PRKN: variants seen among roughly 807,000 people sequenced by gnomAD.
PRKN encodes E3 ubiquitin-protein ligase parkin.
In PRKN, 56 loss-of-function variants were observed where a neutral mutation model predicts 59.5. The observed-to-expected ratio is 0.94, with a 90% CI of 0.76 to 1.18. The LOEUF (loss-of-function observed/expected upper bound fraction) is 1.18. Among genes scored for constraint, PRKN ranks in the 50% most tolerant of loss-of-function variants. PRKN has a pLI of 0.00. For missense variants in PRKN, 657 were observed against 596.4 expected, an observed-to-expected ratio of 1.10 and a Z score of -1.06; for synonymous variants, 250 against 222.1, an observed-to-expected ratio of 1.13 and a Z score of -1.12.
chr6:161,656,380 C>T (rs1167062156), intron 7 of PRKN, among the ~76,000 whole-genome samples: 1 of 152,146 alleles, frequency 6.6e-6, no homozygotes, highest in Non-Finnish European at 1.5e-5. Context: ...ATAGGCTTCA[C>T]TGGCTTTGAT....
chr6:161,640,015 T>G (rs1022727241), intron 7 of PRKN, among the ~76,000 whole-genome samples: 1 of 152,186 alleles, frequency 6.6e-6, no homozygotes, highest in Admixed American at 6.5e-5. Context: ...GGGGCTTGAG[T>G]CCTTCAAGAA....
intron 7 of PRKN, among the ~76,000 whole-genome samples, chr6:161,767,856 G>A (rs1220451492): frequency 6.6e-6 from 1 of 152,184 alleles, no homozygotes; most frequent in Non-Finnish European, 1.5e-5. Context: ...TCACTCAGGT[G>A]TGACTAGGCT....
chr6:161,710,837 CCCCTTTCCTTCTTCCCTTCCCTT>C (rs1355303681), intron 7 of PRKN, among the ~76,000 whole-genome samples: 13 of 109,218 alleles, frequency 1.2e-4, no homozygotes, highest in East Asian at 4.9e-4. Context: ...TCCTTCCTTC[CCCCTTTCCTTCTTCCCTTCCCTT>C]CCCTTTCCTT....
intron 1 of PRKN, among the ~76,000 whole-genome samples, chr6:162,500,407 G>T (rs912382624): frequency 8.0e-6 from 1 of 125,176 alleles, no homozygotes; most frequent in Non-Finnish European, 1.8e-5. Context: ...CCCGACCTCA[G>T]GTGATCCACC....
intron 7 of PRKN, among the ~76,000 whole-genome samples, chr6:161,652,552 C>T (rs1048109770): frequency 2.0e-4 from 30 of 152,158 alleles, no homozygotes; most frequent in African/African-American, 6.8e-4. Flanking sequence ...TCTTAAACTA[C>T]AGTCCAATGT....
chr6:162,258,256 T>C (rs1285438696), intron 3 of PRKN, among the ~76,000 whole-genome samples: 1 of 152,246 alleles, frequency 6.6e-6, no homozygotes, highest in Non-Finnish European at 1.5e-5. Context: ...GAGGTAGGCA[T>C]CTTGTCTGTT....
intron 1 of PRKN, among the ~76,000 whole-genome samples, chr6:162,459,391 A>G (rs1204580234): frequency 1.3e-5 from 2 of 152,200 alleles, no homozygotes; most frequent in Non-Finnish European, 2.9e-5. Context: ...ATATTAACTT[A>G]GCAAAAATTA....
intron 6 of PRKN, among the ~76,000 whole-genome samples, chr6:161,909,695 C>A (rs879356269): frequency 6.6e-6 from 1 of 152,142 alleles, no homozygotes; most frequent in Non-Finnish European, 1.5e-5. Context: ...ATACTTTCCT[C>A]CCTAAAAGCA....
At chr6:162,011,902 A>AAGTTT (rs1004123420) in intron 5 of PRKN, among the ~76,000 whole-genome samples, 1 of 46,272 alleles carries the variant, frequency 2.2e-5, no homozygotes, top group Non-Finnish European at 3.6e-5. Context: ...ATGCTGTGAG[A>AAGTTT]ACTTTGGAGA....
chr6:162,442,510 G>A (rs1790107152), intron 2 of PRKN, among the ~76,000 whole-genome samples: 1 of 152,180 alleles, frequency 6.6e-6, no homozygotes, highest in South Asian at 2.1e-4. Flanking sequence ...CTAGTTCTAG[G>A]TGATGGTGGT....
Position 161,533,086 on chromosome 6 carries a change from T to C in PRKN, c.1083+15768A>G, listed in dbSNP as rs899127307. 6.6e-6 allele frequency among the ~76,000 whole-genome samples: 1 copy of C among 152,232 alleles called. No homozygotes were observed. The highest frequency in any genetic ancestry group is 2.1e-4 in the South Asian group (1 of 4,838). Reference sequence around the variant, plus strand: ...AGTATAAATATTCTATAGTGTACCATATTAGCTATTAAACATTATACAGAG... The same window carrying C: ...AGTATAAATATTCTATAGTGTACCACATTAGCTATTAAACATTATACAGAG... On this transcript the variant is annotated intron_variant, in intron 9 of 11. Transcript: ENST00000366898. This position sits in a 1 kb window ranked among gnomAD's most constrained non-coding sequence, Gnocchi z 4.1.
intron 2 of PRKN, among the ~76,000 whole-genome samples, chr6:162,300,748 C>A (rs1781905683): frequency 6.6e-6 from 1 of 152,114 alleles, no homozygotes; most frequent in South Asian, 2.1e-4. Context: ...TAACAGGCAA[C>A]AGAATTGCAC....
chr6:162,689,393 T>C (rs1304061682), intron 1 of PRKN, among the ~76,000 whole-genome samples: 1 of 152,244 alleles, frequency 6.6e-6, no homozygotes, highest in South Asian at 2.1e-4. Context: ...AGGTATTCTT[T>C]ACCTAGGCTT....
At chr6:161,449,245 C>T (rs979646462) in intron 9 of PRKN, among the ~76,000 whole-genome samples, 7 of 152,166 alleles carry the variant, frequency 4.6e-5, no homozygotes, top group Admixed American at 2.0e-4. Flanking sequence ...TTTTGTCCCA[C>T]GATTTAGCAT....
chr6:161,360,978 C>T lies in PRKN; in HGVS notation c.1168-773G>A, dbSNP rs1562394031. Among the ~76,000 whole-genome samples, 1 of 152,166 alleles carries T rather than the reference C, an allele frequency of 6.6e-6. No individual in the cohort carries two copies. Among genetic ancestry groups the T allele is most frequent in the East Asian group, 1.9e-4 (1 of 5,162 alleles). ...TTTCTTCAAAGACTCAGAATGACTCCAGTGTGGCAAGCTTTTAATACATTT... is the reference window on the plus strand; with the variant it reads ...TTTCTTCAAAGACTCAGAATGACTCTAGTGTGGCAAGCTTTTAATACATTT... On this transcript the variant is annotated intron_variant, in intron 10 of 11. Coordinates refer to ENST00000366898, the MANE Select transcript of PRKN (RefSeq NM_004562.3). This position sits in a 1 kb window ranked among gnomAD's most constrained non-coding sequence, Gnocchi z 5.1.
intron 7 of PRKN, among the ~76,000 whole-genome samples, chr6:161,723,731 G>A (rs1318803123): frequency 6.6e-6 from 1 of 152,180 alleles, no homozygotes; most frequent in African/African-American, 2.4e-5. Flanking sequence ...AAAAAAGAAA[G>A]TGGAGCCACA....
intron 6 of PRKN, among the ~76,000 whole-genome samples, chr6:161,792,216 T>C (rs955254279): frequency 6.6e-6 from 1 of 152,242 alleles, no homozygotes; most frequent in African/African-American, 2.4e-5. Context: ...CAATGTTTAT[T>C]ATTTTCTTCA....
At chr6:162,713,493 C>A (rs1378821182) in intron 1 of PRKN, among the ~76,000 whole-genome samples, 391 of 80,694 alleles carry the variant, frequency 4.8e-3, no homozygotes, top group South Asian at 0.012. Flanking sequence ...GACTCCACCT[C>A]AAAAAAAAAA....
chr6:162,342,864 T>G (rs575414633), intron 2 of PRKN, among the ~76,000 whole-genome samples: 1 of 152,286 alleles, frequency 6.6e-6, no homozygotes, highest in African/African-American at 2.4e-5. Context: ...TACAGAAATC[T>G]TTGCTTAGTT....
Sources: allele counts gnomAD v4.1 joint callset (sites outside exome capture counted in the v4.1 genomes callset), GRCh38; gene constraint gnomAD v4.1.1; non-coding constraint Gnocchi (gnomAD v3.1); transcripts MANE v1.5; gene names NCBI Gene and HGNC (gene_info 2026-07-23, HGNC 2026-07-21).